Variants in PRICKLE2 observed in about 807,000 individuals in gnomAD.
PRICKLE2 encodes the protein prickle-like protein 2.
PRICKLE2 carries 21 observed loss-of-function variants against 81.4 expected under a neutral mutation model. The ratio of observed to expected loss-of-function variants is 0.26; its 90% CI spans 0.18 to 0.37. PRICKLE2 has a LOEUF of 0.37. Ranked by LOEUF, PRICKLE2 falls within the 10% of genes least tolerant of loss-of-function variation. The pLI is 1.00. For synonymous variants in PRICKLE2, 456 were observed against 421.5 expected (o/e 1.08, Z -1.00); for missense variants, 940 against 1,109.0 (o/e 0.85, Z 2.16).
Position 64,146,870 on chromosome 3 carries a change from A to C in PRICKLE2, c.1620T>G (p.Pro540=). The change falls in exon 7 of 8, where the codon CCT becomes CCG. Residue 540 remains proline (P), a synonymous_variant. Coordinates refer to ENST00000638394, the MANE Select transcript of PRICKLE2 (RefSeq NM_198859.4). ...GGGCCAGGGATTCCATGGAGCCCCG[A>C]GGGGTCTGCTCTGTGGGCGTCATGT... ...TEDMTPTEQT[P]RGSMESLALS... 1 of 1,614,124 alleles carries C rather than the reference A, an allele frequency of 6.2e-7. No homozygotes were observed. The highest frequency in any genetic ancestry group is 8.5e-7 in the Non-Finnish European group (1 of 1,180,006).
At chr3:64,230,371 G>T (rs192243730), upstream of PRICKLE2, among the ~76,000 whole-genome samples, 833 of 152,256 alleles carry the variant, frequency 5.5e-3, 7 homozygotes, top group African/African-American at 0.019. Context: ...TCCTAAATGA[G>T]TATTAGAGAT....
rs2076528181 is a variant in PRICKLE2, at chr3:64,093,306, T to C, written c.*5745A>G. 6.6e-6 allele frequency: 1 copy of C among 152,420 alleles called. No individual in the cohort carries two copies. The highest frequency in any genetic ancestry group is 1.5e-5 in the Non-Finnish European group (1 of 68,154). 9.4% of individuals were successfully genotyped at this position (152,420 alleles called of 1,614,324 possible). A position where few individuals can be genotyped will look rare whatever the true frequency, so the allele number is the denominator to read the frequency against. On this transcript the variant is annotated 3_prime_UTR_variant, in exon 8 of 8. Coordinates refer to ENST00000638394, the MANE Select transcript of PRICKLE2 (RefSeq NM_198859.4). ...TTGGGTTGCTCCCACTTTTTGGATA[T>C]TGTGAATGCTGCTTTTATGAATATG...
chr3:64,124,792 C>G (rs1001232526), intron 7 of PRICKLE2, among the ~76,000 whole-genome samples: 2 of 152,202 alleles, frequency 1.3e-5, no homozygotes, highest in Non-Finnish European at 2.9e-5. Flanking sequence ...TGACAATGCA[C>G]TTGGTCACCC....
At chr3:64,223,310 T>A (rs1458966830) in intron 1 of PRICKLE2, among the ~76,000 whole-genome samples, 1 of 152,220 alleles carries the variant, frequency 6.6e-6, no homozygotes, top group Non-Finnish European at 1.5e-5. Flanking sequence ...CCTATCACCC[T>A]AACTATAGAT....
At chr3:64,138,427 C>G (rs141119926) in intron 7 of PRICKLE2, among the ~76,000 whole-genome samples, 1 of 152,188 alleles carries the variant, frequency 6.6e-6, no homozygotes, top group African/African-American at 2.4e-5. Flanking sequence ...ATACTTTTTC[C>G]CCTTCACCTG....
At chr3:64,140,666 G>C (rs696013) in intron 7 of PRICKLE2, among the ~76,000 whole-genome samples, 91,844 of 151,944 alleles carry the variant, frequency 0.6, 28,122 homozygotes, top group East Asian at 0.86. Flanking sequence ...CTAATGCCTT[G>C]GTCCCCCACT....
At chr3:64,249,096 G>A (rs1301630148) in intron 2 of PRICKLE2, among the ~76,000 whole-genome samples, 1 of 152,124 alleles carries the variant, frequency 6.6e-6, no homozygotes, top group East Asian at 1.9e-4. Flanking sequence ...ACCTGAGACT[G>A]GGCAATTTAT....
chr3:64,236,651 G>A (rs952845229), intron 2 of PRICKLE2, among the ~76,000 whole-genome samples: 1 of 152,144 alleles, frequency 6.6e-6, no homozygotes, highest in Non-Finnish European at 1.5e-5. Flanking sequence ...AATTTATCTT[G>A]GTTTGAAAGA....
intron 7 of PRICKLE2, among the ~76,000 whole-genome samples, chr3:64,142,183 T>C (rs1231840884): frequency 6.6e-6 from 1 of 152,184 alleles, no homozygotes; most frequent in African/African-American, 2.4e-5. Context: ...ATCTTTCTTC[T>C]GACACTGTCA....
intron 2 of PRICKLE2, among the ~76,000 whole-genome samples, chr3:64,184,158 G>A (rs2078181760): frequency 6.6e-6 from 1 of 152,178 alleles, no homozygotes; most frequent in Admixed American, 6.5e-5. Context: ...ACCAAGAAAA[G>A]TGTTTTCAAA....
chr3:64,154,239 T>G (rs1200225935), intron 5 of PRICKLE2: 1 of 152,080 alleles, frequency 6.6e-6, no homozygotes, highest in Non-Finnish European at 1.5e-5. Flanking sequence ...CCTTACATCA[T>G]ACATAAAAAT....
intron 1 of PRICKLE2, among the ~76,000 whole-genome samples, chr3:64,216,095 C>G (rs2078867901): frequency 6.6e-6 from 1 of 152,196 alleles, no homozygotes; most frequent in Non-Finnish European, 1.5e-5. Flanking sequence ...CCTGGGTAAT[C>G]ATGTAGAAAA....
intron 2 of PRICKLE2, among the ~76,000 whole-genome samples, chr3:64,179,021 T>G (rs1288573225): frequency 6.7e-6 from 1 of 149,650 alleles, no homozygotes; most frequent in Non-Finnish European, 1.5e-5. Context: ...CTTTCTTTCT[T>G]TCTTTCTTTC....
At chr3:64,217,058 A>G (rs1005989691) in intron 1 of PRICKLE2, among the ~76,000 whole-genome samples, 5 of 152,212 alleles carry the variant, frequency 3.3e-5, no homozygotes, top group African/African-American at 7.2e-5. Context: ...GCTGAGGGCT[A>G]TGCAGTTGCT....
At chr3:64,116,016 C>G (rs1056610554) in intron 7 of PRICKLE2, among the ~76,000 whole-genome samples, 3 of 152,154 alleles carry the variant, frequency 2.0e-5, no homozygotes, top group African/African-American at 4.8e-5. Context: ...ACAGCACAAT[C>G]AAATTAGAAA....
intron 1 of PRICKLE2, among the ~76,000 whole-genome samples, chr3:64,210,455 C>A (rs2078767005): frequency 6.6e-6 from 1 of 152,078 alleles, no homozygotes; most frequent in Admixed American, 6.5e-5. Flanking sequence ...TGTGACGGGG[C>A]CAGCTGGGTA....
chr3:64,149,834 T>C lies in PRICKLE2; in HGVS notation c.788-2132A>G, dbSNP rs903930545. 1.1e-4 allele frequency among the ~76,000 whole-genome samples: 16 copies of C among 152,100 alleles called. 1 individual carries two copies. The highest frequency in any genetic ancestry group is 1.5e-4 in the Non-Finnish European group (10 of 68,026). On this transcript the variant is annotated intron_variant, in intron 6 of 7. Coordinates refer to ENST00000638394, the MANE Select transcript of PRICKLE2 (RefSeq NM_198859.4). ...CTCGTATTAGCTCTTTCCCAAACTATGGGGTTCTCTTTTCATTTTGAAACC... is the reference window on the plus strand; with the variant it reads ...CTCGTATTAGCTCTTTCCCAAACTACGGGGTTCTCTTTTCATTTTGAAACC...
chr3:64,167,485 A>C (rs1007069804), intron 2 of PRICKLE2, among the ~76,000 whole-genome samples: 4 of 152,234 alleles, frequency 2.6e-5, no homozygotes, highest in African/African-American at 9.6e-5. Flanking sequence ...AAGGCCTTTA[A>C]GGTGTAACTC....
In PRICKLE2 at chr3:64,099,440, G is replaced by T; in HGVS notation, c.2146C>A (p.Pro716Thr). 1 of 1,587,556 alleles carries T rather than the reference G, an allele frequency of 6.3e-7. No individual in the cohort carries two copies. The change falls in exon 8 of 8, where the codon CCT becomes ACT. Residue 716 changes from proline to threonine, a missense_variant. Pro to Thr is a conservative substitution (Grantham distance 38, BLOSUM62 -1). Transcript: ENST00000638394. The surrounding 1 kb of genome is among the most constrained non-coding windows in gnomAD (Gnocchi z 4.3). ...TCATAGTCCTCCCTGGCTCTCAGAG[G>T]GGGCCTATCTTTTAACCGGGAGATG... ...EAISRLKDRP[P>T]LRAREDYDQF... is the part of the protein sequence containing the mutation.
Sources: allele counts gnomAD v4.1 joint callset (sites outside exome capture counted in the v4.1 genomes callset), GRCh38; gene constraint gnomAD v4.1.1; non-coding constraint Gnocchi (gnomAD v3.1); transcripts MANE v1.5; gene names NCBI Gene and HGNC (gene_info 2026-07-23, HGNC 2026-07-21).